IL31RA: variants seen among roughly 807,000 people sequenced by gnomAD.
IL31RA encodes the protein interleukin 31 receptor A.
A neutral mutation model predicts 83.7 loss-of-function variants in IL31RA; 66 were observed. The observed-to-expected ratio is 0.79, with a 90% CI of 0.65 to 0.97. The LOEUF (loss-of-function observed/expected upper bound fraction) is 0.97, where lower values mean the gene tolerates loss of function less well. IL31RA is among the 50% of genes least tolerant of loss of function. The pLI is 0.00. For synonymous variants in IL31RA, 325 were observed against 329.0 expected (o/e 0.99, Z 0.13); for missense variants, 798 against 919.4 (o/e 0.87, Z 1.71).
At chr5:55,913,023 G>A (rs1340709772) in intron 12 of IL31RA, among the ~76,000 whole-genome samples, 2 of 152,142 alleles carry the variant, frequency 1.3e-5, no homozygotes, top group African/African-American at 2.4e-5. Context: ...CTGAATGAAT[G>A]CTGTTGGAAT....
chr5:55,914,858 A>T lies in IL31RA; in HGVS notation c.1748A>T (p.His583Leu), dbSNP rs1451656822. ...YGLKKPNKLT[H>L]LCWPTVPNPA... The stretch of plus-strand genomic sequence containing the variant: ...TTCTCTCTCATTAGCAAATTGACTC[A>T]TCTGTGTTGGCCCACCGTTCCCAAC... Residue 583 changes from histidine to leucine, a missense_variant, in exon 14 of 15, where the codon CAT becomes CTT. Transcript: ENST00000652347. The T allele has an allele frequency of 1.4e-5, 23 of 1,612,468 alleles. No homozygotes were observed. Among genetic ancestry groups the T allele is most frequent in the Non-Finnish European group, 1.9e-5 (22 of 1,178,554 alleles).
At chr5:55,859,301 A>C (rs143412127) in intron 1 of IL31RA, among the ~76,000 whole-genome samples, 1 of 152,210 alleles carries the variant, frequency 6.6e-6, no homozygotes, top group Non-Finnish European at 1.5e-5. Flanking sequence ...CGATGGACGA[A>C]AGGAAAACGT....
intron 1 of IL31RA, chr5:55,852,459 A>C (rs1745121525): frequency 6.6e-6 from 1 of 152,288 alleles, no homozygotes; most frequent in African/African-American, 2.4e-5. Flanking sequence ...GGCGTGAGCC[A>C]CCACGCCTGG....
upstream of IL31RA, among the ~76,000 whole-genome samples, chr5:55,850,315 A>G (rs1561531283): frequency 6.6e-6 from 1 of 151,978 alleles, no homozygotes; most frequent in South Asian, 2.1e-4. Flanking sequence ...CTTTCCCTCC[A>G]TTCCTCTGTT....
At chr5:55,915,217 C>T (rs1749718889) in intron 14 of IL31RA, among the ~76,000 whole-genome samples, 2 of 152,180 alleles carry the variant, frequency 1.3e-5, no homozygotes, top group South Asian at 2.1e-4. Flanking sequence ...AAGACACTGG[C>T]CCTACCCTTC....
At chr5:55,899,091 T>A (rs1322258650) in intron 7 of IL31RA, among the ~76,000 whole-genome samples, 1 of 152,104 alleles carries the variant, frequency 6.6e-6, no homozygotes, top group East Asian at 1.9e-4. Flanking sequence ...CTCCTGGTCA[T>A]TAGGAAGATT....
At chr5:55,867,192 TGTGTGTTTGTGTGTGTGC>T (rs1311039169) in intron 2 of IL31RA, among the ~76,000 whole-genome samples, 1 of 36,044 alleles carries the variant, frequency 2.8e-5, no homozygotes, top group African/African-American at 1.1e-4. Context: ...TGTGTGTTTG[TGTGTGTTTGTGTGTGTGC>T]GCATGTGTGT....
In IL31RA at chr5:55,896,399, T is replaced by C. The variant is rs1450803920; in HGVS notation, c.822T>C (p.Asp274=). ...GAGTCCTGAAACCAGCTGAGGCGGA[T>C]GGAAGAAGGCCAGTGCGGTTGTTAT... ...LWRVLKPAEA[D]GRRPVRLLWK... Residue 274 remains aspartate (D), a synonymous_variant, in exon 7 of 15, where the codon GAT becomes GAC. Transcript: ENST00000652347. 5.6e-6 allele frequency: 9 copies of C among 1,613,796 alleles called. No individual in the cohort carries two copies. In the South Asian group the frequency reaches 9.9e-5, roughly 18 times the overall value.
intron 4 of IL31RA, among the ~76,000 whole-genome samples, chr5:55,880,153 TATAA>T (rs1747111478): frequency 6.6e-6 from 1 of 152,248 alleles, no homozygotes; most frequent in Admixed American, 6.5e-5. Flanking sequence ...GCTCAATACA[TATAA>T]ATAATTTTAT....
intron 6 of IL31RA, among the ~76,000 whole-genome samples, chr5:55,895,607 T>C (rs1240554134): frequency 6.6e-6 from 1 of 152,256 alleles, no homozygotes; most frequent in Non-Finnish European, 1.5e-5. Flanking sequence ...AATGCACATA[T>C]ATGATATTTC....
Position 55,916,874 on chromosome 5 carries a change from G to GAA in IL31RA, c.2052_2053dup (p.Ser685LysfsTer43), listed in dbSNP as rs1468609021. The GAA allele has an allele frequency of 1.9e-6, 3 of 1,614,172 alleles. No homozygotes were observed. Among genetic ancestry groups the GAA allele is most frequent in the Non-Finnish European group, 2.5e-6 (3 of 1,180,034 alleles). Reference sequence around the variant, plus strand: ...CCTTCAGGCCTGATTGTCCCCTGGGGAAAAGTTTTGAGGAGCTCCCAGTTT... The same window carrying GAA: ...CCTTCAGGCCTGATTGTCCCCTGGGGAAAAAAGTTTTGAGGAGCTCCCAGTTT... On this transcript the variant is annotated frameshift_variant, in exon 15 of 15. Transcript: ENST00000652347. LOFTEE classifies it low-confidence loss of function (END_TRUNC).
At chr5:55,890,201 G>A (rs1416135788) in intron 6 of IL31RA, 66 bp downstream of exon 6, 1 of 1,540,248 alleles carries the variant, frequency 6.5e-7, no homozygotes, top group Non-Finnish European at 9.0e-7. Flanking sequence ...GCTAGACTTG[G>A]TGGGGTTTGT....
chr5:55,854,161 G>A (rs1372966254), intron 1 of IL31RA, among the ~76,000 whole-genome samples: 2 of 152,160 alleles, frequency 1.3e-5, no homozygotes, highest in Non-Finnish European at 2.9e-5. Flanking sequence ...GGCTGTCACT[G>A]TTCCAACATG....
At chr5:55,889,433 T>C (rs1044941485) in intron 5 of IL31RA, among the ~76,000 whole-genome samples, 4 of 152,234 alleles carry the variant, frequency 2.6e-5, no homozygotes, top group African/African-American at 9.6e-5. Context: ...GTGAAAGATT[T>C]GGGTAAAACG....
chr5:55,898,354 GCTCT>G (rs1261798198), intron 7 of IL31RA, among the ~76,000 whole-genome samples: 1 of 115,796 alleles, frequency 8.6e-6, no homozygotes, highest in African/African-American at 3.4e-5. Context: ...AAAGGAAAGA[GCTCT>G]CTAAGAATTT....
At chr5:55,908,516 C>A in intron 11 of IL31RA, 105 bp downstream of exon 11, 1 of 1,608,426 alleles carries the variant, frequency 6.2e-7, no homozygotes, top group Non-Finnish European at 8.5e-7. Context: ...TGACTTGCAA[C>A]CTGGCATGAA....
intron 8 of IL31RA, among the ~76,000 whole-genome samples, chr5:55,904,453 G>A (rs1012124497): frequency 3.9e-5 from 6 of 152,172 alleles, no homozygotes; most frequent in Admixed American, 2.6e-4. Flanking sequence ...TCCAGGCGGT[G>A]AGCAGGGGAA....
intron 11 of IL31RA, among the ~76,000 whole-genome samples, chr5:55,910,299 T>C (rs1244884521): frequency 2.6e-5 from 4 of 152,232 alleles, no homozygotes; most frequent in African/African-American, 9.7e-5. Flanking sequence ...CATTGTGAAA[T>C]TCAAGGTTGT....
At chr5:55,909,407 C>T (rs528551757) in intron 11 of IL31RA, among the ~76,000 whole-genome samples, 5 of 152,186 alleles carry the variant, frequency 3.3e-5, no homozygotes, top group African/African-American at 4.8e-5. Flanking sequence ...TTGTGTTTTT[C>T]GTTCTTTGGG....
Sources: gnomAD v4.1 joint callset for allele counts (sites outside exome capture counted in the v4.1 genomes callset) on GRCh38, gnomAD v4.1.1 for gene constraint, MANE v1.5 for transcripts, NCBI Gene and HGNC (gene_info 2026-07-23, HGNC 2026-07-21) for gene names.